The following PCDHA7 variants were observed in gnomAD, a reference collection of about 807,000 sequenced individuals.
PCDHA7 encodes protocadherin alpha 7.
PCDHA7 carries 37 observed loss-of-function variants against 57.2 expected under a neutral mutation model. That is an observed-to-expected ratio of 0.65 (90% CI 0.50 to 0.85). PCDHA7 has a LOEUF of 0.85. Among genes scored for constraint, PCDHA7 ranks in the 40% least tolerant of loss-of-function variants. PCDHA7 has a pLI of 0.00. For synonymous variants in PCDHA7, 553 were observed against 558.8 expected (o/e 0.99, Z 0.15); for missense variants, 1,188 against 1,241.8 (o/e 0.96, Z 0.65).
At chr5:140,884,169 C>CG (rs2153400955) in intron 1 of PCDHA7, 1 of 1,613,426 alleles carries the variant, frequency 6.2e-7, no homozygotes, top group East Asian at 2.2e-5. Context: ...ATCAGCACGA[C>CG]GCGCCCTCTG....
chr5:140,968,876 A>G (rs782240993), intron 1 of PCDHA7: 51 of 1,614,112 alleles, frequency 3.2e-5, no homozygotes, highest in Non-Finnish European at 4.1e-5. Context: ...ATACTCTGAA[A>G]TTACCCTTTA....
chr5:140,843,339 G>A (rs2150357830), intron 1 of PCDHA7: 2 of 1,596,042 alleles, frequency 1.3e-6, no homozygotes, highest in Admixed American at 1.7e-5. Flanking sequence ...GTGGAGAGCG[G>A]CCAGGCTCCA....
At chr5:140,836,909 CTT>C (rs1774804264) in intron 1 of PCDHA7, 171 bp downstream of exon 1, 2 of 579,626 alleles carry the variant, frequency 3.5e-6, no homozygotes, top group Admixed American at 3.6e-5. Flanking sequence ...TTAATATACA[CTT>C]TTGTTTTGGG....
intron 1 of PCDHA7, among the ~76,000 whole-genome samples, chr5:140,894,305 T>A (rs1318862417): frequency 6.6e-6 from 1 of 152,078 alleles, no homozygotes; most frequent in East Asian, 1.9e-4. Context: ...TCCTGGAAAG[T>A]TTTCTTAAAT....
At chr5:140,870,502 A>G (rs781840750) in intron 1 of PCDHA7, 15 of 1,614,222 alleles carry the variant, frequency 9.3e-6, no homozygotes, top group Non-Finnish European at 1.2e-5. Context: ...GAAGGAGAAC[A>G]ACCCACCAGG....
At position 140,927,644 on chromosome 5, in the gene PCDHA7, T is replaced by C. The variant is rs370145398; in HGVS notation, c.2356-51305T>C. On this transcript the variant is annotated intron_variant, in intron 1 of 3. Coordinates refer to ENST00000525929, the MANE Select transcript of PCDHA7 (RefSeq NM_018910.3). The stretch of plus-strand genomic sequence containing the variant: ...CCAGAGACTGCACCCAATGGGACTG[T>C]GTTATTCCGAGTTCAAGCCTTGGAT... The C allele has an allele frequency of 4.6e-5, 74 of 1,614,028 alleles. 1 individual carries two copies. Among genetic ancestry groups the C allele is most frequent in the Non-Finnish European group, 5.8e-5 (68 of 1,180,020 alleles).
intron 1 of PCDHA7, among the ~76,000 whole-genome samples, chr5:140,900,125 G>A (rs2067765908): frequency 6.6e-6 from 1 of 152,056 alleles, no homozygotes; most frequent in South Asian, 2.1e-4. Context: ...TTGATTTTTA[G>A]GTACCACAAA....
intron 1 of PCDHA7, chr5:140,877,328 A>G (rs782817195): frequency 1.2e-6 from 2 of 1,613,980 alleles, no homozygotes; most frequent in Non-Finnish European, 1.7e-6. Context: ...GTCGGCGCGC[A>G]CATCCCGTTC....
In PCDHA7 at chr5:141,011,214, T is replaced by C. The variant is rs2098419822; in HGVS notation, c.*1277T>C. On this transcript the variant is annotated 3_prime_UTR_variant, in exon 4 of 4. Transcript: ENST00000525929. ...ATTGTTTTCTCATACAGTGAGCAGA[T>C]TTTTCAATCTACTAATTCTGTGACT... 1 of 153,748 alleles carries C rather than the reference T, an allele frequency of 6.5e-6. No individual in the cohort carries two copies. Among genetic ancestry groups the C allele is most frequent in the African/African-American group, 2.4e-5 (1 of 41,448 alleles). The allele number at this position is 153,748 out of a possible 1,614,324, so 9.5% of individuals were successfully genotyped here. A position where few individuals can be genotyped will look rare whatever the true frequency, so the allele number is the denominator to read the frequency against.
Position 141,010,780 on chromosome 5 carries a change from TGCAAAA to T in PCDHA7, c.*851_*856del, listed in dbSNP as rs1309288663. 1 of 153,816 alleles carries T rather than the reference TGCAAAA, an allele frequency of 6.5e-6. No homozygotes were observed. The highest frequency in any genetic ancestry group is 1.9e-4 in the East Asian group (1 of 5,188). The allele number at this position is 153,816 out of a possible 1,614,324, so 9.5% of individuals were successfully genotyped here. On this transcript the variant is annotated 3_prime_UTR_variant, in exon 4 of 4. Transcript: ENST00000525929. ...AGGCCAGATCCTTTTCCAATACTTATGCAAAAGCAAAAGAAAACCCCGACACCTCAC... is the reference window on the plus strand; with the variant it reads ...AGGCCAGATCCTTTTCCAATACTTATGCAAAAGAAAACCCCGACACCTCAC...
chr5:140,992,070 GA>G (rs1554252639), intron 3 of PCDHA7, among the ~76,000 whole-genome samples: 1 of 151,052 alleles, frequency 6.6e-6, no homozygotes, highest in Non-Finnish European at 1.5e-5. Context: ...AATTTCAGTA[GA>G]GAATGAGCTA....
At chr5:140,846,754 A>G (rs1430636894) in intron 1 of PCDHA7, among the ~76,000 whole-genome samples, 1 of 149,442 alleles carries the variant, frequency 6.7e-6, no homozygotes, top group Non-Finnish European at 1.5e-5. Context: ...ACAGATCTCT[A>G]ACAGCATATC....
intron 1 of PCDHA7, among the ~76,000 whole-genome samples, chr5:140,962,103 T>C (rs1401131367): frequency 1.3e-5 from 2 of 152,020 alleles, no homozygotes; most frequent in African/African-American, 4.8e-5. Flanking sequence ...GCCAGGATGG[T>C]CTCGATCTCC....
chr5:140,970,423 G>A (rs2096404787), intron 1 of PCDHA7, among the ~76,000 whole-genome samples: 1 of 151,762 alleles, frequency 6.6e-6, no homozygotes, highest in Admixed American at 6.6e-5. Context: ...AAGGTGTAGA[G>A]GCAGGTGTTA....
In PCDHA7 at chr5:140,967,342, C is replaced by G. The variant is rs149890293; in HGVS notation, c.2356-11607C>G. On this transcript the variant is annotated intron_variant, in intron 1 of 3. Coordinates refer to ENST00000525929, the MANE Select transcript of PCDHA7 (RefSeq NM_018910.3). ...CCTACGAGCTCAGCCCCAGCGAGCACTTCGAGCTGGACCTTAAGCCCCTGC... is the reference window on the plus strand; with the variant it reads ...CCTACGAGCTCAGCCCCAGCGAGCAGTTCGAGCTGGACCTTAAGCCCCTGC... The G allele has an allele frequency of 1.9e-6, 3 of 1,607,992 alleles. No individual in the cohort carries two copies. In the African/African-American group the frequency reaches 4.0e-5, roughly 22 times the overall value.
At chr5:141,008,425 A>G (rs1195605563) in intron 3 of PCDHA7, among the ~76,000 whole-genome samples, 2 of 152,172 alleles carry the variant, frequency 1.3e-5, no homozygotes, top group East Asian at 1.9e-4. Context: ...CACTGGGATC[A>G]CTTTGCCCAG....
chr5:140,918,651 C>A (rs1418223257), intron 1 of PCDHA7, among the ~76,000 whole-genome samples: 1 of 152,144 alleles, frequency 6.6e-6, no homozygotes, highest in African/African-American at 2.4e-5. Flanking sequence ...AAACCTAATT[C>A]TCATGTTGAT....
chr5:140,864,378 T>C (rs1269675465), intron 1 of PCDHA7: 1 of 152,252 alleles, frequency 6.6e-6, no homozygotes, highest in Non-Finnish European at 1.5e-5. Context: ...ATCGATAAGT[T>C]TATCTCTCAC....
intron 3 of PCDHA7, among the ~76,000 whole-genome samples, chr5:140,995,275 A>G (rs1383239362): frequency 6.6e-6 from 1 of 152,146 alleles, no homozygotes; most frequent in African/African-American, 2.4e-5. Context: ...GCCCTTTGAT[A>G]CCAAAACAGC....
Sources: allele counts gnomAD v4.1 joint callset (sites outside exome capture counted in the v4.1 genomes callset), GRCh38; gene constraint gnomAD v4.1.1; transcripts MANE v1.5; gene names NCBI Gene and HGNC (gene_info 2026-07-23, HGNC 2026-07-21).